C20orf203: variants seen among roughly 807,000 people sequenced by gnomAD.
C20orf203 encodes chromosome 20 open reading frame 203.
C20orf203 carries 16 observed loss-of-function variants against 15.9 expected under a neutral mutation model. The ratio of observed to expected loss-of-function variants is 1.01; its 90% CI spans 0.68 to 1.53. The LOEUF is 1.53. C20orf203 is among the 40% of genes most tolerant of loss of function. C20orf203 has a pLI of 0.00. For synonymous variants in C20orf203, 98 were observed against 97.2 expected, an observed-to-expected ratio of 1.01 and a Z score of -0.05; for missense variants, 263 against 247.5, an observed-to-expected ratio of 1.06 and a Z score of -0.42.
rs1982078655 is a variant in C20orf203 at position 32,634,234 on chromosome 20, C to T, written c.*1336G>A. On this transcript the variant is annotated 3_prime_UTR_variant, in exon 6 of 6. Transcript: ENST00000608990. ...TGGGGGGAGGTTCCTAGCCTGGGGGCTCTGGAAAAGCTTCCTGGAGAAGGT... is the reference window on the plus strand; with the variant it reads ...TGGGGGGAGGTTCCTAGCCTGGGGGTTCTGGAAAAGCTTCCTGGAGAAGGT... 5.0e-6 allele frequency: 2 copies of T among 398,370 alleles called. No individual in the cohort carries two copies. The highest frequency in any genetic ancestry group is 1.3e-4 in the South Asian group (1 of 7,854). The allele number at this position is 398,370 out of a possible 1,614,324, so 24.7% of individuals were successfully genotyped here. A position where few individuals can be genotyped will look rare whatever the true frequency, so the allele number is the denominator to read the frequency against.
intron 5 of C20orf203, among the ~76,000 whole-genome samples, chr20:32,640,241 TTTC>T (rs1982243798): frequency 6.6e-6 from 1 of 152,142 alleles, no homozygotes; most frequent in African/African-American, 2.4e-5. Context: ...TTACAATTCT[TTTC>T]TTTTTTTCTG....
At position 32,632,056 on chromosome 20, in the gene C20orf203, T is replaced by G. The variant is rs993780168; in HGVS notation, c.*3514A>C. The stretch of plus-strand genomic sequence containing the variant: ...ATTGGCCAGAGGGCGACCTGAGACA[T>G]GCAGGCAGAGAAGGGAGCCAGTGAC... On this transcript the variant is annotated 3_prime_UTR_variant, in exon 6 of 6. Coordinates refer to ENST00000608990, the MANE Select transcript of C20orf203 (RefSeq NM_182584.4). The G allele has an allele frequency of 6.6e-6, 1 of 152,194 alleles. No individual in the cohort carries two copies. Among genetic ancestry groups the G allele is most frequent in the Non-Finnish European group, 1.5e-5 (1 of 68,068 alleles). The allele number at this position is 152,194 out of a possible 1,614,324, so 9.4% of individuals were successfully genotyped here. A position where few individuals can be genotyped will look rare whatever the true frequency, so the allele number is the denominator to read the frequency against.
At chr20:32,638,102 C>T (rs557809643) in intron 5 of C20orf203, among the ~76,000 whole-genome samples, 3 of 152,046 alleles carry the variant, frequency 2.0e-5, no homozygotes, top group Non-Finnish European at 4.4e-5. Context: ...AAAGAGCCAT[C>T]ATGCCTGGTT....
intron 1 of C20orf203, among the ~76,000 whole-genome samples, chr20:32,662,900 A>AAAC (rs36129900): frequency 3.4e-5 from 5 of 148,274 alleles, no homozygotes; most frequent in African/African-American, 1.2e-4. Flanking sequence ...AAAAAAAAAA[A>AAAC]CAAGAAAGGA....
rs1051312933 is a variant in C20orf203 at position 32,650,406 on chromosome 20, T to TG, written c.*25dup. 13 of 1,520,062 alleles carry TG rather than the reference T, an allele frequency of 8.6e-6. No individual in the cohort carries two copies. The African/African-American group carries it at 1.7e-4, about 19-fold the overall frequency. 94.2% of individuals were successfully genotyped at this position (1,520,062 alleles called of 1,614,324 possible). A position where few individuals can be genotyped will look rare whatever the true frequency, so the allele number is the denominator to read the frequency against. ...CCTTGGTAGGACAGGCAGGCAGAGC[T>TG]GGGGGTGGGGGCGCCCTGGGCTCGG... On this transcript the variant is annotated 3_prime_UTR_variant, in exon 4 of 6. Coordinates refer to ENST00000608990, the MANE Select transcript of C20orf203 (RefSeq NM_182584.4).
intron 1 of C20orf203, among the ~76,000 whole-genome samples, chr20:32,655,116 C>T (rs1026197889): frequency 6.6e-6 from 1 of 152,184 alleles, no homozygotes; most frequent in Non-Finnish European, 1.5e-5. Flanking sequence ...TCACACCATA[C>T]ACAAAAATTA....
At position 32,640,623 on chromosome 20, in the gene C20orf203, G is replaced by A. The variant is rs1410485906; in HGVS notation, c.*1242C>T. 2.0e-5 allele frequency: 3 copies of A among 152,124 alleles called. No homozygotes were observed. The highest frequency in any genetic ancestry group is 7.2e-5 in the African/African-American group (3 of 41,390). 9.4% of individuals were successfully genotyped at this position (152,124 alleles called of 1,614,324 possible). A position where few individuals can be genotyped will look rare whatever the true frequency, so the allele number is the denominator to read the frequency against. On this transcript the variant is annotated 3_prime_UTR_variant, in exon 5 of 6. Coordinates refer to ENST00000608990, the MANE Select transcript of C20orf203 (RefSeq NM_182584.4). The stretch of plus-strand genomic sequence containing the variant: ...GGAGAATCACTTGAACCCGGAAGGT[G>A]GAGGTTGCAGCGAGCTGAGATCACG...
At chr20:32,642,159 T>C (rs1374253226) in intron 4 of C20orf203, among the ~76,000 whole-genome samples, 1 of 152,164 alleles carries the variant, frequency 6.6e-6, no homozygotes, top group Non-Finnish European at 1.5e-5. Flanking sequence ...GTTATTTGTG[T>C]CTTTATTATT....
intron 1 of C20orf203, among the ~76,000 whole-genome samples, chr20:32,660,629 C>T (rs940622797): frequency 1.3e-5 from 2 of 152,166 alleles, no homozygotes; most frequent in Admixed American, 6.5e-5. Context: ...TCCAAAGTCA[C>T]ATGGACAGGA....
At chr20:32,652,738 G>T (rs911896216) in intron 1 of C20orf203, among the ~76,000 whole-genome samples, 1 of 152,100 alleles carries the variant, frequency 6.6e-6, no homozygotes, top group Non-Finnish European at 1.5e-5. Flanking sequence ...CACCAGTTTG[G>T]GGGGCTTCCT....
intron 1 of C20orf203, among the ~76,000 whole-genome samples, chr20:32,668,792 G>A (rs1220000253): frequency 6.6e-6 from 1 of 152,030 alleles, no homozygotes; most frequent in Non-Finnish European, 1.5e-5. Flanking sequence ...AGTCCAGCCT[G>A]GGTGACAGAG....
At chr20:32,642,623 G>A (rs1982316327) in intron 4 of C20orf203, among the ~76,000 whole-genome samples, 2 of 152,190 alleles carry the variant, frequency 1.3e-5, no homozygotes, top group Admixed American at 1.3e-4. Context: ...AGAGGCCAGG[G>A]AGATTAGCAG....
In C20orf203 at chr20:32,666,797, T is replaced by TTATATATA. The variant is rs34933326; in HGVS notation, c.-264+6827_-264+6834dup. ...AAAAAAAGATGAAATTAATTTTAAT[T>TTATATATA]TATATATATATATATATATATATAT... is the stretch of plus-strand genomic sequence containing the variant. On this transcript the variant is annotated intron_variant, in intron 1 of 5. Transcript: ENST00000608990. 8.4e-3 allele frequency among the ~76,000 whole-genome samples: 548 copies of TTATATATA among 65,536 alleles called. 32 individuals carry two copies. Among genetic ancestry groups the TTATATATA allele is most frequent in the South Asian group, 0.025 (36 of 1,424 alleles). The allele number at this position is 65,536 out of a possible 152,430, so 43.0% of individuals were successfully genotyped here.
rs1982606516 is a variant in C20orf203, at chr20:32,651,039, TG to T, written c.113del (p.Thr38LysfsTer6). On this transcript the variant is annotated frameshift_variant, in exon 3 of 6. Coordinates refer to ENST00000608990, the MANE Select transcript of C20orf203 (RefSeq NM_182584.4). LOFTEE classifies it high-confidence loss of function. ...WPPRLASFPF[T>X]KTGMLSRATS... is the part of the protein sequence containing the mutation. ...TTACCCGGCTCAGCATTCCAGTTTT[TG>T]TAAAGGGAAAACTGGCCAGGCGAGG... The T allele has an allele frequency of 5.3e-6, 8 of 1,510,128 alleles. No individual in the cohort carries two copies. The highest frequency in any genetic ancestry group is 6.2e-6 in the Non-Finnish European group (7 of 1,125,976). The allele number at this position is 1,510,128 out of a possible 1,614,324, so 93.5% of individuals were successfully genotyped here. A position where few individuals can be genotyped will look rare whatever the true frequency, so the allele number is the denominator to read the frequency against.
chr20:32,639,246 A>G (rs1007653323), intron 5 of C20orf203, among the ~76,000 whole-genome samples: 4 of 152,232 alleles, frequency 2.6e-5, no homozygotes, highest in Non-Finnish European at 4.4e-5. Context: ...TCTTTGAGAT[A>G]TGGGAACAGT....
At chr20:32,669,852 G>A (rs1280701456) in intron 1 of C20orf203, among the ~76,000 whole-genome samples, 4 of 152,210 alleles carry the variant, frequency 2.6e-5, no homozygotes, top group African/African-American at 7.2e-5. Context: ...GGAAACAAGA[G>A]TGAAAGGCAA....
rs905497450 is a variant in C20orf203 at position 32,652,662 on chromosome 20, C to T, written c.-263-681G>A. Among the ~76,000 whole-genome samples the T allele has an allele frequency of 3.9e-5, 6 of 151,954 alleles. No individual in the cohort carries two copies. In the Middle Eastern group the frequency reaches 0.014, roughly 345 times the overall value. ...TTTTTGGAGACTACACTGTCCAGACCCCCAGCATGAATACATTCACGTCCA... is the reference window on the plus strand; with the variant it reads ...TTTTTGGAGACTACACTGTCCAGACTCCCAGCATGAATACATTCACGTCCA... On this transcript the variant is annotated intron_variant, in intron 1 of 5. Coordinates refer to ENST00000608990, the MANE Select transcript of C20orf203 (RefSeq NM_182584.4).
intron 4 of C20orf203, among the ~76,000 whole-genome samples, chr20:32,644,576 C>T (rs1200974832): frequency 6.6e-6 from 1 of 152,110 alleles, no homozygotes; most frequent in East Asian, 1.9e-4. Flanking sequence ...CCCCTGGGGG[C>T]ACCTGCAGGG....
intron 5 of C20orf203, among the ~76,000 whole-genome samples, chr20:32,635,553 T>C (rs1982115339): frequency 1.3e-5 from 2 of 152,068 alleles, no homozygotes; most frequent in Non-Finnish European, 2.9e-5. Flanking sequence ...CCATGGCTCA[T>C]GCCTGTAACC....
Sources: allele counts gnomAD v4.1 joint callset (sites outside exome capture counted in the v4.1 genomes callset), GRCh38; gene constraint gnomAD v4.1.1; transcripts MANE v1.5; gene names NCBI Gene and HGNC (gene_info 2026-07-23, HGNC 2026-07-21).